GPR63: variants seen among roughly 807,000 people sequenced by gnomAD.
GPR63 encodes the protein G protein-coupled receptor 63.
In GPR63, 12 loss-of-function variants were observed where a neutral mutation model predicts 23.1. The observed-to-expected ratio is 0.52, with a 90% CI of 0.33 to 0.84. GPR63 has a LOEUF of 0.84. Ranked by LOEUF, GPR63 falls within the 40% of genes least tolerant of loss-of-function variation. The pLI is 0.02. For missense variants in GPR63, 472 were observed against 515.6 expected (o/e 0.92, Z 0.82); for synonymous variants, 172 against 191.1 (o/e 0.90, Z 0.82).
chr6:96,829,121 G>C (rs1381734426), intron 1 of GPR63, among the ~76,000 whole-genome samples: 2 of 152,120 alleles, frequency 1.3e-5, no homozygotes, highest in Admixed American at 6.5e-5. Context: ...GATTTAAATA[G>C]CACATTTAAA....
At chr6:96,812,114 AT>A (rs1480344308) in intron 1 of GPR63, among the ~76,000 whole-genome samples, 5 of 151,976 alleles carry the variant, frequency 3.3e-5, no homozygotes. Context: ...ATTTAAAGTT[AT>A]TTTTTATATA....
intron 1 of GPR63, among the ~76,000 whole-genome samples, chr6:96,816,466 C>A (rs1166510880): frequency 6.6e-6 from 1 of 152,134 alleles, no homozygotes; most frequent in Admixed American, 6.5e-5. Flanking sequence ...ACACTCCCAC[C>A]AAAAACAACC....
chr6:96,830,248 T>C (rs1429635255), intron 1 of GPR63, among the ~76,000 whole-genome samples: 1 of 152,180 alleles, frequency 6.6e-6, no homozygotes, highest in African/African-American at 2.4e-5. Context: ...CATGCAATTT[T>C]AAATGTACAA....
At chr6:96,810,672 A>G (rs1774020014) in intron 1 of GPR63, among the ~76,000 whole-genome samples, 1 of 152,106 alleles carries the variant, frequency 6.6e-6, no homozygotes, top group African/African-American at 2.4e-5. Flanking sequence ...ACATAGTCCC[A>G]TTGTTATGTA....
At position 96,795,342 on chromosome 6, in the gene GPR63, G is replaced by T. The variant is rs1773554314; in HGVS notation, c.*3130C>A. The T allele has an allele frequency of 6.6e-6, 1 of 152,220 alleles. No individual in the cohort carries two copies. Among genetic ancestry groups the T allele is most frequent in the South Asian group, 2.1e-4 (1 of 4,832 alleles). The allele number at this position is 152,220 out of a possible 1,614,324, so 9.4% of individuals were successfully genotyped here. On this transcript the variant is annotated 3_prime_UTR_variant, in exon 2 of 2. Transcript: ENST00000229955. ...ATTTCTGATTATGCCTGTAAGCAGT[G>T]AGAATTAGTAGTGGTATCTTTCCCT...
At chr6:96,804,123 A>T (rs1162257577) in intron 1 of GPR63, among the ~76,000 whole-genome samples, 1 of 152,176 alleles carries the variant, frequency 6.6e-6, no homozygotes, top group Non-Finnish European at 1.5e-5. Flanking sequence ...GGAGTGTTTT[A>T]TATTTGGAGT....
Position 96,798,681 on chromosome 6 carries a change from CA to C in GPR63, c.1050del (p.Phe350LeufsTer17). ...AGCCACAGTAGCCAGGTGCTAATCTCAAAAAAGTTGTGCTGATAGTAAAAGT... is the reference window on the plus strand; with the variant it reads ...AGCCACAGTAGCCAGGTGCTAATCTCAAAAAGTTGTGCTGATAGTAAAAGT... ...SKHFYYQHNFFEISTWLLWLC... is the reference protein window; with the variant it reads ...SKHFYYQHNFXEISTWLLWLC... On this transcript the variant is annotated frameshift_variant, in exon 2 of 2. Coordinates refer to ENST00000229955, the MANE Select transcript of GPR63 (RefSeq NM_030784.4). LOFTEE classifies it high-confidence loss of function. The C allele has an allele frequency of 6.2e-7, 1 of 1,614,126 alleles. No individual in the cohort carries two copies. The highest frequency in any genetic ancestry group is 8.5e-7 in the Non-Finnish European group (1 of 1,180,026).
intron 1 of GPR63, among the ~76,000 whole-genome samples, chr6:96,826,796 T>C (rs2127958978): frequency 6.6e-6 from 1 of 152,060 alleles, no homozygotes; most frequent in African/African-American, 2.4e-5. Context: ...AAATAAAAAT[T>C]ATATTTTATT....
At chr6:96,824,649 T>C (rs1044392648) in intron 1 of GPR63, among the ~76,000 whole-genome samples, 2 of 29,594 alleles carry the variant, frequency 6.8e-5, no homozygotes, top group African/African-American at 3.3e-4. Context: ...TTTAAAAAAA[T>C]GAAAAAAAAA....
chr6:96,803,850 G>T (rs570907034), intron 1 of GPR63, among the ~76,000 whole-genome samples: 39 of 152,322 alleles, frequency 2.6e-4, no homozygotes, highest in Middle Eastern at 6.8e-3. Flanking sequence ...TTACACAGGA[G>T]TCTTAATGTT....
At chr6:96,804,808 T>C (rs1773855103) in intron 1 of GPR63, among the ~76,000 whole-genome samples, 2 of 152,322 alleles carry the variant, frequency 1.3e-5, no homozygotes, top group South Asian at 4.1e-4. Context: ...CTCTTCCCTT[T>C]GTACTATCAA....
rs2127937560 is a variant in GPR63, at chr6:96,796,133, C to T, written c.*2339G>A. 6.6e-6 allele frequency: 1 copy of T among 152,188 alleles called. No homozygotes were observed. The highest frequency in any genetic ancestry group is 2.4e-5 in the African/African-American group (1 of 41,508). 9.4% of individuals were successfully genotyped at this position (152,188 alleles called of 1,614,324 possible). On this transcript the variant is annotated 3_prime_UTR_variant, in exon 2 of 2. Transcript: ENST00000229955. The stretch of plus-strand genomic sequence containing the variant: ...TGATGTCTTCAACCTTTCAATGCCC[C>T]AACTCCTGATACAGTGCCACACTCT...
At position 96,796,548 on chromosome 6, in the gene GPR63, G is replaced by A. The variant is rs1388140873; in HGVS notation, c.*1924C>T. 6.6e-6 allele frequency: 1 copy of A among 152,184 alleles called. No homozygotes were observed. Among genetic ancestry groups the A allele is most frequent in the Non-Finnish European group, 1.5e-5 (1 of 68,024 alleles). The allele number at this position is 152,184 out of a possible 1,614,324, so 9.4% of individuals were successfully genotyped here. A position where few individuals can be genotyped will look rare whatever the true frequency, so the allele number is the denominator to read the frequency against. ...CTGACCAAGGCCCTAGATGCACCTG[G>A]GGGCAGACTGTCAGCAAGAGAAAAA... On this transcript the variant is annotated 3_prime_UTR_variant, in exon 2 of 2. Coordinates refer to ENST00000229955, the MANE Select transcript of GPR63 (RefSeq NM_030784.4).
intron 1 of GPR63, among the ~76,000 whole-genome samples, chr6:96,829,494 A>G (rs1486238075): frequency 6.6e-6 from 1 of 152,164 alleles, no homozygotes; most frequent in Non-Finnish European, 1.5e-5. Flanking sequence ...TGAGTTCAAG[A>G]CCAGCCTGGA....
In GPR63 at chr6:96,837,441, G is replaced by T; in HGVS notation, c.-324C>A. On this transcript the variant is annotated 5_prime_UTR_variant, in exon 1 of 2. Transcript: ENST00000229955. ...AAGAGGAGGTGGTGGCGGCGGCGGCGATACAGGCGGCGGTGGCGGGAGCTG... is the reference window on the plus strand; with the variant it reads ...AAGAGGAGGTGGTGGCGGCGGCGGCTATACAGGCGGCGGTGGCGGGAGCTG... The T allele has an allele frequency of 6.5e-6, 1 of 154,280 alleles. No homozygotes were observed. Among genetic ancestry groups the T allele is most frequent in the Non-Finnish European group, 1.4e-5 (1 of 69,198 alleles). 9.6% of individuals were successfully genotyped at this position (154,280 alleles called of 1,614,324 possible).
At chr6:96,805,093 C>T (rs1445655066) in intron 1 of GPR63, among the ~76,000 whole-genome samples, 1 of 152,070 alleles carries the variant, frequency 6.6e-6, no homozygotes, top group Non-Finnish European at 1.5e-5. Flanking sequence ...TTTAAATATA[C>T]ATACACACAC....
At chr6:96,827,716 T>A (rs1774479110) in intron 1 of GPR63, among the ~76,000 whole-genome samples, 1 of 152,108 alleles carries the variant, frequency 6.6e-6, no homozygotes, top group Non-Finnish European at 1.5e-5. Flanking sequence ...TCAATGATAA[T>A]AATAAAATTC....
At chr6:96,828,457 T>C (rs1328374372) in intron 1 of GPR63, among the ~76,000 whole-genome samples, 1 of 151,722 alleles carries the variant, frequency 6.6e-6, no homozygotes, top group South Asian at 2.1e-4. Context: ...GGCAAAGATA[T>C]TAACTTTAGA....
chr6:96,812,022 T>C (rs9487220), intron 1 of GPR63, among the ~76,000 whole-genome samples: 4,117 of 152,152 alleles, frequency 0.027, 184 homozygotes, highest in African/African-American at 0.093. Context: ...TAACTGTAAG[T>C]AGAGTCAAAG....
Sources: gnomAD v4.1 joint callset for allele counts (sites outside exome capture counted in the v4.1 genomes callset) on GRCh38, gnomAD v4.1.1 for gene constraint, MANE v1.5 for transcripts, NCBI Gene and HGNC (gene_info 2026-07-23, HGNC 2026-07-21) for gene names.